LOC128706666: variants seen among roughly 807,000 people sequenced by gnomAD.
chr20:10,416,754 GA>G, the LOC128706666 span, among the ~76,000 whole-genome samples: 1 of 152,190 alleles, frequency 6.6e-6, no homozygotes. Flanking sequence ...AACCCCTAAT[GA>G]AATAGTGCAT....
chr20:10,431,427 A>G, the LOC128706666 span, among the ~76,000 whole-genome samples: 1 of 152,136 alleles, frequency 6.6e-6, no homozygotes, highest in Non-Finnish European at 1.5e-5. Context: ...GGAACTACCA[A>G]GAAGAGTAAG....
At chr20:10,417,909 T>C in the LOC128706666 span, among the ~76,000 whole-genome samples, 1 of 152,120 alleles carries the variant, frequency 6.6e-6, no homozygotes, top group Admixed American at 6.5e-5. Flanking sequence ...ACTGAGAATG[T>C]GGGAAATTTT....
chr20:10,422,904 G>T, the LOC128706666 span, among the ~76,000 whole-genome samples: 245 of 151,860 alleles, frequency 1.6e-3, 2 homozygotes, highest in Admixed American at 3.5e-3. Context: ...GTAGAGACAG[G>T]GTTTCACCGT....
chr20:10,421,057 T>G, the LOC128706666 span, among the ~76,000 whole-genome samples: 1 of 152,164 alleles, frequency 6.6e-6, no homozygotes, highest in African/African-American at 2.4e-5. Flanking sequence ...CACACATGCA[T>G]GGAGTGTTCT....
the LOC128706666 span, among the ~76,000 whole-genome samples, chr20:10,431,449 GTCC>G: frequency 6.6e-6 from 1 of 152,056 alleles, no homozygotes; most frequent in Non-Finnish European, 1.5e-5. Context: ...CATGATTCTT[GTCC>G]TCAAGGAGAA....
chr20:10,427,026 A>T, the LOC128706666 span, among the ~76,000 whole-genome samples: 1 of 135,584 alleles, frequency 7.4e-6, no homozygotes, highest in Non-Finnish European at 1.6e-5. Flanking sequence ...AAAAGAAAAC[A>T]CTGACACACA....
the LOC128706666 span, among the ~76,000 whole-genome samples, chr20:10,430,421 CTTTG>C: frequency 2.6e-5 from 3 of 113,768 alleles, no homozygotes; most frequent in Admixed American, 2.7e-4. Context: ...ATACTTGGCA[CTTTG>C]TCTGGGCTCA....
At chr20:10,429,522 A>G in the LOC128706666 span, among the ~76,000 whole-genome samples, 1 of 151,746 alleles carries the variant, frequency 6.6e-6, no homozygotes, top group Non-Finnish European at 1.5e-5. Flanking sequence ...AATAGTCTCA[A>G]TTCATCTCAT....
At chr20:10,419,021 C>A in the LOC128706666 span, among the ~76,000 whole-genome samples, 2 of 152,100 alleles carry the variant, frequency 1.3e-5, no homozygotes, top group African/African-American at 4.8e-5. Flanking sequence ...AAGCTATGCT[C>A]TTCCACTTCT....
the LOC128706666 span, among the ~76,000 whole-genome samples, chr20:10,432,789 C>CAAAAAAA: frequency 0.023 from 1,683 of 74,540 alleles, 212 homozygotes; most frequent in Non-Finnish European, 0.035. Context: ...GACTCTTTGT[C>CAAAAAAA]AAAAAAAAAA....
chr20:10,418,932 G>A, the LOC128706666 span, among the ~76,000 whole-genome samples: 7 of 152,126 alleles, frequency 4.6e-5, no homozygotes, highest in Admixed American at 3.3e-4. Flanking sequence ...TATATAGAAT[G>A]TCCTAAAGTT....
the LOC128706666 span, among the ~76,000 whole-genome samples, chr20:10,433,466 G>A: frequency 6.6e-6 from 1 of 152,198 alleles, no homozygotes; most frequent in Non-Finnish European, 1.5e-5. Context: ...CTGTAGACAC[G>A]TGTATATCTG....
chr20:10,419,632 C>T, the LOC128706666 span, among the ~76,000 whole-genome samples: 21,937 of 152,114 alleles, frequency 0.14, 1,783 homozygotes, highest in East Asian at 0.24. Context: ...CACAATACTC[C>T]TGTGCTTTGG....
chr20:10,414,594 T>G, the LOC128706666 span, among the ~76,000 whole-genome samples: 18 of 152,198 alleles, frequency 1.2e-4, no homozygotes, highest in Non-Finnish European at 8.8e-5. Flanking sequence ...AAGTCCCAAA[T>G]ATCTTTATTC....
the LOC128706666 span, among the ~76,000 whole-genome samples, chr20:10,421,537 T>C: frequency 6.6e-6 from 1 of 152,166 alleles, no homozygotes; most frequent in African/African-American, 2.4e-5. Flanking sequence ...TGATAGTGTT[T>C]CAACTGCGAT....
the LOC128706666 span, among the ~76,000 whole-genome samples, chr20:10,416,155 TTTG>T: frequency 9.2e-5 from 14 of 151,962 alleles, no homozygotes; most frequent in Non-Finnish European, 1.9e-4. Context: ...CAGATGGGTT[TTTG>T]TTGTTGTTGC....
chr20:10,432,161 T>TA, the LOC128706666 span, among the ~76,000 whole-genome samples: 1 of 152,198 alleles, frequency 6.6e-6, no homozygotes. Flanking sequence ...TCAAGGGGTA[T>TA]AAAAGCCTGG....
At chr20:10,425,535 A>G in the LOC128706666 span, among the ~76,000 whole-genome samples, 1 of 152,278 alleles carries the variant, frequency 6.6e-6, no homozygotes, top group African/African-American at 2.4e-5. Context: ...AGAAGCAGAC[A>G]GACTGGGAGA....
At chr20:10,422,361 A>G in the LOC128706666 span, among the ~76,000 whole-genome samples, 1 of 152,166 alleles carries the variant, frequency 6.6e-6, no homozygotes, top group Non-Finnish European at 1.5e-5. Context: ...TTTTATTGAC[A>G]TGCTTATGTT....
Sources: gnomAD v4.1 joint callset for allele counts (sites outside exome capture counted in the v4.1 genomes callset) on GRCh38, gnomAD v4.1.1 for gene constraint, MANE v1.5 for transcripts.